The following SYN3 variants were observed in gnomAD, a reference collection of about 807,000 sequenced individuals.
SYN3 encodes synapsin-3.
Under a neutral mutation model 65.8 loss-of-function variants are expected in SYN3, and 35 were observed. The observed-to-expected ratio is 0.53, with a 90% CI of 0.41 to 0.70. The LOEUF is 0.70. SYN3 is among the 30% of genes least tolerant of loss of function. The pLI is 0.00. For missense variants in SYN3, 680 were observed against 749.0 expected, an observed-to-expected ratio of 0.91 and a Z score of 1.08; for synonymous variants, 270 against 292.9, an observed-to-expected ratio of 0.92 and a Z score of 0.80.
chr22:32,679,237 G>C (rs146151718), intron 6 of SYN3, among the ~76,000 whole-genome samples: 3 of 151,824 alleles, frequency 2.0e-5, no homozygotes, highest in African/African-American at 7.3e-5. Context: ...ATTTTTAGTA[G>C]AGACAGGGTT....
At chr22:32,857,832 C>T (rs2048414853) in intron 6 of SYN3, among the ~76,000 whole-genome samples, 1 of 152,096 alleles carries the variant, frequency 6.6e-6, no homozygotes, top group Non-Finnish European at 1.5e-5. Flanking sequence ...CCTCATTATC[C>T]TCATCTGGAA....
chr22:32,541,536 C>T, intron 8 of SYN3, 35 bp downstream of exon 8: 1 of 1,612,554 alleles, frequency 6.2e-7, no homozygotes, highest in Non-Finnish European at 8.5e-7. Context: ...CTGCCTTCCT[C>T]CCACACTCCC....
In SYN3 at chr22:32,967,325, G is replaced by A. The variant is rs544915264; in HGVS notation, c.369+13320C>T. On this transcript the variant is annotated intron_variant, in intron 3 of 13. Transcript: ENST00000358763. ...GTTGAATTCTATTGTAAAGTAAATA[G>A]TGCCTTAGAACTACTAAAATCCTAT... 5.7e-4 allele frequency among the ~76,000 whole-genome samples: 87 copies of A among 152,320 alleles called. No individual in the cohort carries two copies. The Middle Eastern group carries it at 0.014, about 24-fold the overall frequency.
Position 32,521,576 on chromosome 22 carries a change from A to G in SYN3, c.1319-3242T>C, listed in dbSNP as rs972029137. 2.2e-4 allele frequency among the ~76,000 whole-genome samples: 33 copies of G among 151,106 alleles called. 1 individual carries two copies. Among genetic ancestry groups the G allele is most frequent in the Admixed American group, 2.0e-3 (30 of 15,064 alleles). On this transcript the variant is annotated intron_variant, in intron 12 of 13. Coordinates refer to ENST00000358763, the MANE Select transcript of SYN3 (RefSeq NM_003490.4). ...ATTCTCCTGCCTCAGCCTCTCAAATAGCTGGGATTACAGGCGTCCGCCACC... is the reference window on the plus strand; with the variant it reads ...ATTCTCCTGCCTCAGCCTCTCAAATGGCTGGGATTACAGGCGTCCGCCACC...
chr22:33,006,715 G>T lies in SYN3; in HGVS notation c.-53C>A. 1 of 1,506,060 alleles carries T rather than the reference G, an allele frequency of 6.6e-7. No homozygotes were observed. Among genetic ancestry groups the T allele is most frequent in the South Asian group, 1.3e-5 (1 of 74,722 alleles). The allele number at this position is 1,506,060 out of a possible 1,614,324, so 93.3% of individuals were successfully genotyped here. A position where few individuals can be genotyped will look rare whatever the true frequency, so the allele number is the denominator to read the frequency against. On this transcript the variant is annotated 5_prime_UTR_variant, in exon 2 of 14. Coordinates refer to ENST00000358763, the MANE Select transcript of SYN3 (RefSeq NM_003490.4). ...TCCTACCCAGACGTGTGTAGGTGAG[G>T]CCCAGAAGACAGGCTGCTGCCAGGT...
intron 7 of SYN3, among the ~76,000 whole-genome samples, chr22:32,570,168 C>T (rs2058739946): frequency 6.6e-6 from 1 of 152,174 alleles, no homozygotes; most frequent in African/African-American, 2.4e-5. Flanking sequence ...CACACACTGC[C>T]TTCTAGGGAG....
Position 32,927,651 on chromosome 22 carries a change from A to T in SYN3, c.461+3739T>A, listed in dbSNP as rs139887688. On this transcript the variant is annotated intron_variant, in intron 4 of 13. Coordinates refer to ENST00000358763, the MANE Select transcript of SYN3 (RefSeq NM_003490.4). ...AATGTTGTATATTTTAATCCTTCAT[A>T]TATTTTTAAATCCATAAAATTATTT... 2.5e-3 allele frequency among the ~76,000 whole-genome samples: 381 copies of T among 152,286 alleles called. 3 individuals are homozygous for T. Among genetic ancestry groups the T allele is most frequent in the Admixed American group, 4.5e-3 (69 of 15,310 alleles).
intron 6 of SYN3, among the ~76,000 whole-genome samples, chr22:32,762,928 T>C (rs965158443): frequency 4.2e-5 from 6 of 141,980 alleles, no homozygotes; most frequent in African/African-American, 1.6e-4. Flanking sequence ...CTTTCATTAC[T>C]CTAGACACTT....
At chr22:32,869,181 A>T in intron 4 of SYN3, 56 bp from the exon 5 acceptor site, 1 of 1,577,384 alleles carries the variant, frequency 6.3e-7, no homozygotes, top group South Asian at 1.1e-5. Context: ...ACACCAGGGC[A>T]TCCGGCCACA....
At chr22:32,772,084 T>A (rs996110122) in intron 6 of SYN3, among the ~76,000 whole-genome samples, 1 of 152,006 alleles carries the variant, frequency 6.6e-6, no homozygotes, top group East Asian at 1.9e-4. Context: ...GAAAAAGCCA[T>A]TAAGCCTGGA....
At chr22:32,588,353 C>T (rs1225144409) in intron 7 of SYN3, among the ~76,000 whole-genome samples, 1 of 152,172 alleles carries the variant, frequency 6.6e-6, no homozygotes, top group African/African-American at 2.4e-5. Flanking sequence ...GATAAGATGA[C>T]TCCTAGAGTG....
At chr22:32,868,242 A>T (rs946799804) in intron 5 of SYN3, among the ~76,000 whole-genome samples, 3 of 152,014 alleles carry the variant, frequency 2.0e-5, no homozygotes, top group Non-Finnish European at 4.4e-5. Context: ...GACTAATATT[A>T]TAACATAACA....
chr22:33,000,834 C>T (rs971955041), intron 2 of SYN3, among the ~76,000 whole-genome samples: 1 of 152,192 alleles, frequency 6.6e-6, no homozygotes, highest in South Asian at 2.1e-4. Context: ...CCCAGAGGCA[C>T]CAGACTCTGC....
intron 4 of SYN3, among the ~76,000 whole-genome samples, chr22:32,910,385 G>A (rs1412914684): frequency 1.3e-5 from 2 of 152,142 alleles, no homozygotes; most frequent in Admixed American, 6.5e-5. Flanking sequence ...ACTAGGAGGC[G>A]CCTCTGTGGA....
intron 6 of SYN3, among the ~76,000 whole-genome samples, chr22:32,632,344 G>A (rs773359859): frequency 9.9e-5 from 15 of 152,170 alleles, no homozygotes; most frequent in African/African-American, 2.4e-4. Context: ...TTGCCTGGGC[G>A]TTTAGAATCC....
intron 3 of SYN3, among the ~76,000 whole-genome samples, chr22:32,956,909 G>C (rs559338550): frequency 5.9e-5 from 9 of 152,276 alleles, no homozygotes; most frequent in East Asian, 1.9e-4. Context: ...GTGCACAAAG[G>C]TTCCAATCTC....
At chr22:32,662,762 A>C (rs1052199931) in intron 6 of SYN3, among the ~76,000 whole-genome samples, 2 of 152,230 alleles carry the variant, frequency 1.3e-5, no homozygotes, top group African/African-American at 4.8e-5. Flanking sequence ...TCCCAACTTG[A>C]GCCACACTGA....
intron 2 of SYN3, among the ~76,000 whole-genome samples, chr22:32,998,795 A>AAAC (rs1243647086): frequency 1.0e-4 from 15 of 150,334 alleles, no homozygotes; most frequent in Non-Finnish European, 2.1e-4. Flanking sequence ...AAAAAAAAAA[A>AAAC]AAAACAAAAG....
At position 32,511,164 on chromosome 22, in the gene SYN3, A is replaced by G. The variant is rs973370540; in HGVS notation, c.*2528T>C. On this transcript the variant is annotated 3_prime_UTR_variant, in exon 14 of 14. Transcript: ENST00000358763. ...ATTTCACCTCCCGTCTCTTTTCCCT[A>G]TGCCCCACTTGGCTTTCTTCAGAAA... is the stretch of plus-strand genomic sequence containing the variant. 1.3e-5 allele frequency among the ~76,000 whole-genome samples: 2 copies of G among 152,150 alleles called. No homozygotes were observed. Among genetic ancestry groups the G allele is most frequent in the African/African-American group, 4.8e-5 (2 of 41,444 alleles).
Sources: allele counts gnomAD v4.1 joint callset (sites outside exome capture counted in the v4.1 genomes callset), GRCh38; gene constraint gnomAD v4.1.1; transcripts MANE v1.5; gene names NCBI Gene and HGNC (gene_info 2026-07-23, HGNC 2026-07-21).